The following PACSIN2 variants were observed in gnomAD, a reference collection of about 807,000 sequenced individuals.
The protein encoded by PACSIN2 is protein kinase C and casein kinase substrate in neurons 2.
In PACSIN2, 25 loss-of-function variants were observed where a neutral mutation model predicts 63.8. That is an observed-to-expected ratio of 0.39 (90% CI 0.29 to 0.55). The LOEUF is 0.55. Among genes scored for constraint, PACSIN2 ranks in the 20% least tolerant of loss-of-function variants. The probability of loss-of-function intolerance (pLI) is 0.62; values close to 1 mark genes in which losing one functional copy is unlikely to be tolerated. For synonymous variants in PACSIN2, 255 were observed against 256.2 expected (o/e 1.00, Z 0.05); for missense variants, 518 against 646.9 (o/e 0.80, Z 2.16).
chr22:42,961,486 C>T (rs1174249173), intron 1 of PACSIN2, among the ~76,000 whole-genome samples: 1 of 149,844 alleles, frequency 6.7e-6, no homozygotes, highest in Non-Finnish European at 1.5e-5. Flanking sequence ...TTTAGAAATT[C>T]CTTAGGCTGG....
In PACSIN2 at chr22:42,871,320, GCCGCCTCCGTCCCC is replaced by G. The variant is rs769060994; in HGVS notation, c.*23_*36del. ...GTGGCTGGCTGAGGCTCCTGGGCCC[GCCGCCTCCGTCCCC>G]CCGCTGGCCTGTCCCCGACTCATCA... On this transcript the variant is annotated 3_prime_UTR_variant, in exon 11 of 11. Transcript: ENST00000263246. The surrounding 1 kb of genome is among the most constrained non-coding windows in gnomAD (Gnocchi z 5.4). 2 of 1,369,766 alleles carry G rather than the reference GCCGCCTCCGTCCCC, an allele frequency of 1.5e-6. No homozygotes were observed. Among genetic ancestry groups the G allele is most frequent in the South Asian group, 2.3e-5 (2 of 85,914 alleles). 84.9% of individuals were successfully genotyped at this position (1,369,766 alleles called of 1,614,324 possible). A position where few individuals can be genotyped will look rare whatever the true frequency, so the allele number is the denominator to read the frequency against.
At chr22:42,920,603 C>T (rs1932118274) in intron 1 of PACSIN2, among the ~76,000 whole-genome samples, 2 of 152,060 alleles carry the variant, frequency 1.3e-5, no homozygotes, top group South Asian at 4.1e-4. Context: ...AACGCAGAAA[C>T]AAGGCCGCAC....
chr22:42,954,715 GA>G (rs1451518019), intron 1 of PACSIN2, among the ~76,000 whole-genome samples: 3 of 152,152 alleles, frequency 2.0e-5, no homozygotes, highest in Admixed American at 2.0e-4. Context: ...TGGAGAAAGG[GA>G]AATGGTTAGA....
intron 10 of PACSIN2, among the ~76,000 whole-genome samples, chr22:42,875,370 T>A (rs1280102521): frequency 2.0e-5 from 3 of 149,120 alleles, no homozygotes; most frequent in Non-Finnish European, 2.9e-5. Flanking sequence ...CCCAGGTTAT[T>A]TATTTGTTTG....
At chr22:42,912,618 C>T (rs1931536463) in intron 1 of PACSIN2, among the ~76,000 whole-genome samples, 2 of 152,364 alleles carry the variant, frequency 1.3e-5, no homozygotes, top group Middle Eastern at 6.8e-3. Context: ...TGTTCTGACA[C>T]TGTCTGTGTG....
chr22:42,998,960 T>A (rs564264932), intron 1 of PACSIN2, among the ~76,000 whole-genome samples: 1 of 152,182 alleles, frequency 6.6e-6, no homozygotes, highest in South Asian at 2.1e-4. Flanking sequence ...CTCCATCCCA[T>A]CTCCAGCTCC....
intron 1 of PACSIN2, among the ~76,000 whole-genome samples, chr22:42,923,050 C>T (rs1414483366): frequency 1.3e-5 from 2 of 152,288 alleles, no homozygotes; most frequent in East Asian, 3.9e-4. Context: ...CAGCACCCAA[C>T]AAAGCGGAAG....
At position 42,927,592 on chromosome 22, in the gene PACSIN2, G is replaced by A. The variant is rs139450140; in HGVS notation, c.-77-15435C>T. ...ATTTATTTAGTTATTTAGTTATTTA[G>A]TTAGTTATTTTTGAGACTGAGTTTT... On this transcript the variant is annotated intron_variant, in intron 1 of 10. Coordinates refer to ENST00000263246, the MANE Select transcript of PACSIN2 (RefSeq NM_001184970.3). 2.0e-3 allele frequency among the ~76,000 whole-genome samples: 294 copies of A among 150,764 alleles called. 1 individual carries two copies. The highest frequency in any genetic ancestry group is 6.8e-3 in the African/African-American group (279 of 40,828).
chr22:42,953,803 C>T (rs1235281634), intron 1 of PACSIN2, among the ~76,000 whole-genome samples: 1 of 152,096 alleles, frequency 6.6e-6, no homozygotes, highest in Admixed American at 6.5e-5. Context: ...TCTCGACACA[C>T]GATAAACATA....
At chr22:42,949,130 A>G (rs1933564700) in intron 1 of PACSIN2, among the ~76,000 whole-genome samples, 1 of 152,146 alleles carries the variant, frequency 6.6e-6, no homozygotes. Context: ...CTGTCTCTAT[A>G]AGGACAAAAC....
At chr22:42,888,996 G>C (rs943972045) in intron 4 of PACSIN2, among the ~76,000 whole-genome samples, 198 bp from the exon 5 acceptor site, 4 of 152,238 alleles carry the variant, frequency 2.6e-5, no homozygotes, top group African/African-American at 9.6e-5. Flanking sequence ...TGCTTGTCCT[G>C]TGCATGGTTC....
At chr22:43,005,618 TG>T (rs1214433279) in intron 1 of PACSIN2, among the ~76,000 whole-genome samples, 5 of 152,188 alleles carry the variant, frequency 3.3e-5, no homozygotes, top group Admixed American at 2.0e-4. Context: ...CAAAAAGTTC[TG>T]GAAGGATTTT....
intron 1 of PACSIN2, among the ~76,000 whole-genome samples, chr22:42,998,418 A>G (rs1171901964): frequency 6.6e-6 from 1 of 152,206 alleles, no homozygotes; most frequent in Non-Finnish European, 1.5e-5. Flanking sequence ...TGACTCGCAC[A>G]GATGCCAGAC....
intron 1 of PACSIN2, among the ~76,000 whole-genome samples, chr22:42,924,183 C>T (rs1281937389): frequency 2.6e-5 from 4 of 152,088 alleles, no homozygotes; most frequent in Non-Finnish European, 5.9e-5. Flanking sequence ...ACCTCCTGGA[C>T]CGGCCTTGCC....
intron 10 of PACSIN2, among the ~76,000 whole-genome samples, chr22:42,873,056 A>G (rs1928294353): frequency 6.6e-6 from 1 of 152,272 alleles, no homozygotes; most frequent in Non-Finnish European, 1.5e-5. Flanking sequence ...AAGAGACGTA[A>G]GTCAAGCCAC....
chr22:42,983,790 G>A (rs1922412896), intron 1 of PACSIN2, among the ~76,000 whole-genome samples: 1 of 151,728 alleles, frequency 6.6e-6, no homozygotes, highest in Non-Finnish European at 1.5e-5. Flanking sequence ...ACTATGTATT[G>A]TTTTTTAAGA....
chr22:42,901,694 A>ACTTCTTG (rs1249875209), intron 2 of PACSIN2, among the ~76,000 whole-genome samples: 1 of 152,150 alleles, frequency 6.6e-6, no homozygotes, highest in Admixed American at 6.5e-5. Flanking sequence ...ACAAGGCCTA[A>ACTTCTTG]CTTCTTGCTA....
At chr22:43,006,870 A>G (rs927944199) in intron 1 of PACSIN2, among the ~76,000 whole-genome samples, 1 of 152,160 alleles carries the variant, frequency 6.6e-6, no homozygotes, top group Non-Finnish European at 1.5e-5. Flanking sequence ...ATTCTCAACC[A>G]AACACGTAAA....
chr22:42,981,584 G>A (rs1286550756), intron 1 of PACSIN2, among the ~76,000 whole-genome samples: 7 of 121,534 alleles, frequency 5.8e-5, no homozygotes, highest in South Asian at 2.8e-4. Flanking sequence ...GCCTCTGCCC[G>A]GCTGCCCCTA....
Sources: gnomAD v4.1 joint callset for allele counts (sites outside exome capture counted in the v4.1 genomes callset) on GRCh38, gnomAD v4.1.1 for gene constraint, Gnocchi (gnomAD v3.1) non-coding constraint, MANE v1.5 for transcripts, NCBI Gene and HGNC (gene_info 2026-07-23, HGNC 2026-07-21) for gene names.